Variants in ZNF654 observed in about 807,000 individuals in gnomAD.
The protein encoded by ZNF654 is melanoma-associated antigen.
In ZNF654, 19 loss-of-function variants were observed where a neutral mutation model predicts 95.3. The observed-to-expected ratio is 0.20, with a 90% CI of 0.14 to 0.29. The LOEUF is 0.29. Among genes scored for constraint, ZNF654 ranks in the 10% least tolerant of loss-of-function variants. The probability of loss-of-function intolerance (pLI) is 1.00; values close to 1 mark genes in which losing one functional copy is unlikely to be tolerated. For synonymous variants in ZNF654, 413 were observed against 457.9 expected, an observed-to-expected ratio of 0.90 and a Z score of 1.25; for missense variants, 1,046 against 1,341.0, an observed-to-expected ratio of 0.78 and a Z score of 3.44.
chr3:88,140,228 G>C lies in ZNF654; in HGVS notation c.2559G>C (p.Glu853Asp). 1 of 1,613,832 alleles carries C rather than the reference G, an allele frequency of 6.2e-7. No individual in the cohort carries two copies. The highest frequency in any genetic ancestry group is 1.1e-5 in the South Asian group (1 of 91,066). Residue 853 changes from glutamate to aspartate, a missense_variant, in exon 8 of 9, where the codon GAG becomes GAC. Glu to Asp is a conservative substitution (Grantham distance 45). Coordinates refer to ENST00000636215, the MANE Select transcript of ZNF654 (RefSeq NM_001350134.2). ...AGTGTAGTTTTCCAGAATGCCATGA[G>C]CTTTTTGAAGATCTTCCTCTGCTGT... Reference protein sequence around the residue: ...QAQCSFPECHELFEDLPLLYE... With the variant: ...QAQCSFPECHDLFEDLPLLYE...
chr3:88,075,018 T>C (rs1027196898), intron 1 of ZNF654, among the ~76,000 whole-genome samples: 3 of 152,240 alleles, frequency 2.0e-5, no homozygotes, highest in Non-Finnish European at 4.4e-5. Flanking sequence ...TCCTCCTTCC[T>C]GAAAGTAGTA....
intron 2 of ZNF654, among the ~76,000 whole-genome samples, chr3:88,090,214 A>T (rs1461418721): frequency 6.6e-6 from 1 of 152,198 alleles, no homozygotes; most frequent in East Asian, 1.9e-4. Context: ...TTCCAGAAAA[A>T]GACATTGTTA....
At position 88,063,798 on chromosome 3, in the gene ZNF654, C is replaced by CT. The variant is rs1304312825; in HGVS notation, c.186+4293_186+4294insT. Among the ~76,000 whole-genome samples the CT allele has an allele frequency of 3.3e-5, 5 of 151,738 alleles. No homozygotes were observed. The East Asian group carries it at 9.7e-4, about 30-fold the overall frequency. ...AGGGATGGTACAGTGGCCATACTAT[C>CT]ATTTGCTCTTTCTTACTAGTCATCC... On this transcript the variant is annotated intron_variant, in intron 1 of 8. Coordinates refer to ENST00000636215, the MANE Select transcript of ZNF654 (RefSeq NM_001350134.2).
At chr3:88,128,552 A>T (rs975992434) in intron 4 of ZNF654, among the ~76,000 whole-genome samples, 3 of 151,982 alleles carry the variant, frequency 2.0e-5, no homozygotes, top group Admixed American at 6.6e-5. Flanking sequence ...ATTTTTTTTT[A>T]AATTTTGTTT....
At chr3:88,072,082 T>C (rs1283482440) in intron 1 of ZNF654, among the ~76,000 whole-genome samples, 1 of 152,196 alleles carries the variant, frequency 6.6e-6, no homozygotes, top group African/African-American at 2.4e-5. Flanking sequence ...GGTATTCCTT[T>C]AAGAAAATAA....
At chr3:88,127,227 T>G (rs1336994248) in intron 4 of ZNF654, among the ~76,000 whole-genome samples, 1 of 152,122 alleles carries the variant, frequency 6.6e-6, no homozygotes, top group East Asian at 1.9e-4. Context: ...AAAAAGACAT[T>G]TCATACCACA....
In ZNF654 at chr3:88,092,149, T is replaced by A. The variant is rs1289483797; in HGVS notation, c.332+5747T>A. Among the ~76,000 whole-genome samples the A allele has an allele frequency of 2.6e-5, 4 of 152,080 alleles. No homozygotes were observed. The East Asian group carries it at 7.7e-4, about 29-fold the overall frequency. On this transcript the variant is annotated intron_variant, in intron 2 of 8. Coordinates refer to ENST00000636215, the MANE Select transcript of ZNF654 (RefSeq NM_001350134.2). ...TATATTTTCCATACCAGAAGAAAAA[T>A]GGGGAAATAGCAACATGTTGGTCCT...
intron 7 of ZNF654, among the ~76,000 whole-genome samples, chr3:88,136,961 G>A (rs775796756): frequency 5.3e-5 from 8 of 152,022 alleles, no homozygotes; most frequent in Non-Finnish European, 7.4e-5. Context: ...TTGGGATGCC[G>A]AGGTGGGCAG....
intron 2 of ZNF654, among the ~76,000 whole-genome samples, chr3:88,099,175 T>G (rs1448327107): frequency 6.6e-6 from 1 of 152,144 alleles, no homozygotes; most frequent in African/African-American, 2.4e-5. Context: ...ATCACAAGCA[T>G]TCCTCTACAC....
chr3:88,140,010 G>A lies in ZNF654; in HGVS notation c.2341G>A (p.Val781Ile). ...HPTDLNVRQTVMKWSKGKCKF... is the reference protein window; with the variant it reads ...HPTDLNVRQTIMKWSKGKCKF... ...AACCGATTTAAATGTGCGACAAACAGTAATGAAGTGGAGCAAAGGAAAATG... is the reference window on the plus strand; with the variant it reads ...AACCGATTTAAATGTGCGACAAACAATAATGAAGTGGAGCAAAGGAAAATG... Residue 781 changes from valine to isoleucine, a missense_variant, in exon 8 of 9, where the codon GTA (valine) becomes ATA (isoleucine). By Grantham distance (29) the Val-to-Ile change is conservative. This residue lies in a region of ZNF654 where 495 missense variants were observed against 537.0 expected (regional missense o/e 0.92). Coordinates refer to ENST00000636215, the MANE Select transcript of ZNF654 (RefSeq NM_001350134.2). 3.1e-6 allele frequency: 5 copies of A among 1,613,820 alleles called. No individual in the cohort carries two copies. Among genetic ancestry groups the A allele is most frequent in the Non-Finnish European group, 4.2e-6 (5 of 1,179,820 alleles).
At chr3:88,117,345 A>C (rs1482823628) in intron 3 of ZNF654, among the ~76,000 whole-genome samples, 1 of 152,222 alleles carries the variant, frequency 6.6e-6, no homozygotes, top group East Asian at 1.9e-4. Flanking sequence ...AAAAAATCAA[A>C]TCAGGCTGGC....
chr3:88,138,657 A>AT (rs1187077575), intron 7 of ZNF654, 48 bp from the exon 8 acceptor site: 15 of 1,157,772 alleles, frequency 1.3e-5, no homozygotes, highest in East Asian at 3.2e-5. Context: ...TAGTATAACC[A>AT]TTTTTTTGGA....
intron 1 of ZNF654, among the ~76,000 whole-genome samples, chr3:88,077,015 G>A (rs968171560): frequency 2.0e-5 from 3 of 152,132 alleles, no homozygotes; most frequent in African/African-American, 7.2e-5. Context: ...TACTTCCCTG[G>A]AGTAAAAGAA....
intron 1 of ZNF654, among the ~76,000 whole-genome samples, chr3:88,066,908 T>C (rs542742201): frequency 4.6e-5 from 7 of 152,322 alleles, no homozygotes; most frequent in African/African-American, 1.7e-4. Context: ...ACACATTAAT[T>C]GTATATTAAT....
rs1422228171 is a variant in ZNF654, at chr3:88,140,949, G to A, written c.3280G>A (p.Gly1094Ser). The A allele has an allele frequency of 6.2e-7, 1 of 1,613,426 alleles. No individual in the cohort carries two copies. The highest frequency in any genetic ancestry group is 1.7e-5 in the Admixed American group (1 of 59,952). Reference sequence around the variant, plus strand: ...AAAATCAGTGAAAAGATTAAGATGTGGCAAATGCCTGACCACCTACTGTAA... The same window carrying A: ...AAAATCAGTGAAAAGATTAAGATGTAGCAAATGCCTGACCACCTACTGTAA... ...YKKSVKRLRC[G>S]KCLTTYCNAE... The change falls in exon 8 of 9, where the codon GGC becomes AGC. Residue 1094 changes from glycine to serine, a missense_variant. Physicochemically the swap from Gly to Ser is moderately conservative, Grantham distance 56. Coordinates refer to ENST00000636215, the MANE Select transcript of ZNF654 (RefSeq NM_001350134.2).
intron 1 of ZNF654, among the ~76,000 whole-genome samples, chr3:88,075,582 C>A (rs1707753261): frequency 6.6e-6 from 1 of 152,154 alleles, no homozygotes; most frequent in South Asian, 2.1e-4. Context: ...CTTTGCTCTG[C>A]TTTTAATTAT....
At chr3:88,063,906 G>T (rs1349187583) in intron 1 of ZNF654, among the ~76,000 whole-genome samples, 1 of 152,090 alleles carries the variant, frequency 6.6e-6, no homozygotes, top group African/African-American at 2.4e-5. Flanking sequence ...CCAGTGGCAG[G>T]AGCTGGTTGT....
chr3:88,144,350 A>G lies in ZNF654; in HGVS notation c.*2698A>G, dbSNP rs1422217305. On this transcript the variant is annotated 3_prime_UTR_variant, in exon 9 of 9. Transcript: ENST00000636215. ...TTCATGTTTGGTTTAATACTGTTGT[A>G]TGGATGAAAAACCTAAAAGGGATGA... The G allele has an allele frequency of 6.6e-6, 1 of 152,390 alleles. No individual in the cohort carries two copies. The highest frequency in any genetic ancestry group is 2.4e-5 in the African/African-American group (1 of 41,432). The allele number at this position is 152,390 out of a possible 1,614,324, so 9.4% of individuals were successfully genotyped here. A position where few individuals can be genotyped will look rare whatever the true frequency, so the allele number is the denominator to read the frequency against.
chr3:88,099,862 A>T (rs1338923468), intron 2 of ZNF654, among the ~76,000 whole-genome samples: 1 of 152,260 alleles, frequency 6.6e-6, no homozygotes, highest in Non-Finnish European at 1.5e-5. Flanking sequence ...ACCTAAAACC[A>T]TAAAAACCCT....
Sources: allele counts gnomAD v4.1 joint callset (sites outside exome capture counted in the v4.1 genomes callset), GRCh38; gene constraint gnomAD v4.1.1; regional missense constraint gnomAD v4.1.1; transcripts MANE v1.5; gene names NCBI Gene and HGNC (gene_info 2026-07-23, HGNC 2026-07-21).